Variants in UBE4B observed in about 807,000 individuals in gnomAD.
The protein encoded by UBE4B is ubiquitin conjugation factor E4 B.
UBE4B carries 27 observed loss-of-function variants against 148.1 expected under a neutral mutation model. That is an observed-to-expected ratio of 0.18 (90% CI 0.13 to 0.25). The LOEUF (loss-of-function observed/expected upper bound fraction) is 0.25. UBE4B is among the 10% of genes least tolerant of loss of function. The pLI is 1.00. For missense variants in UBE4B, 1,170 were observed against 1,662.4 expected (o/e 0.70, Z 5.15); for synonymous variants, 596 against 619.3 (o/e 0.96, Z 0.56).
At chr1:10,060,986 T>C (rs936744610) in intron 1 of UBE4B, among the ~76,000 whole-genome samples, 12 of 152,058 alleles carry the variant, frequency 7.9e-5, no homozygotes, top group African/African-American at 2.9e-4. Flanking sequence ...CCTCAAATGA[T>C]CCTCCCACCT....
chr1:10,055,553 A>G (rs1464138402), intron 1 of UBE4B, among the ~76,000 whole-genome samples: 3 of 152,136 alleles, frequency 2.0e-5, no homozygotes, highest in African/African-American at 7.2e-5. Context: ...CCTGGCTTCA[A>G]GCCTTCCTCC....
At chr1:10,134,966 T>G (rs1218059783) in intron 15 of UBE4B, 22 bp from the exon 16 acceptor site, 1 of 1,608,778 alleles carries the variant, frequency 6.2e-7, no homozygotes, top group Admixed American at 1.7e-5. Context: ...TTAAAAATAC[T>G]TTTTCTTTTC....
In UBE4B at chr1:10,106,300, G is replaced by T; in HGVS notation, c.913G>T (p.Val305Leu). The change falls in exon 7 of 28, where the codon GTG (valine) becomes TTG (leucine). Residue 305 changes from valine to leucine, a missense_variant. Physicochemically the swap from Val to Leu is conservative, Grantham distance 32. Transcript: ENST00000343090. The surrounding 1 kb of genome is among the most constrained non-coding windows in gnomAD (Gnocchi z 4.2). ...SPSRAASQLAVPSTPLSPHSA... is the reference protein window; with the variant it reads ...SPSRAASQLALPSTPLSPHSA... ...TTCCCGTGCAGCCAGCCAGTTGGCT[G>T]TGCCTTCCACTCCCCTCAGTCCTCA... 2.5e-6 allele frequency: 4 copies of T among 1,614,160 alleles called. No homozygotes were observed. The highest frequency in any genetic ancestry group is 3.4e-6 in the Non-Finnish European group (4 of 1,180,026).
At chr1:10,073,317 C>G (rs1644519359) in intron 2 of UBE4B, among the ~76,000 whole-genome samples, 1 of 152,174 alleles carries the variant, frequency 6.6e-6, no homozygotes, top group Non-Finnish European at 1.5e-5. Context: ...TTATTTAAAC[C>G]AGGATCTTGG....
At chr1:10,077,817 A>G (rs1343401851) in intron 2 of UBE4B, among the ~76,000 whole-genome samples, 1 of 152,192 alleles carries the variant, frequency 6.6e-6, no homozygotes, top group African/African-American at 2.4e-5. Context: ...TCAAATGTAC[A>G]TGATAACATA....
intron 21 of UBE4B, among the ~76,000 whole-genome samples, chr1:10,154,038 C>T (rs772171808): frequency 2.6e-5 from 4 of 151,846 alleles, no homozygotes; most frequent in African/African-American, 9.7e-5. Context: ...GCCAAGATCG[C>T]GCCATTGTAA....
At chr1:10,162,622 T>TC (rs1489455174) in intron 23 of UBE4B, among the ~76,000 whole-genome samples, 1 of 151,814 alleles carries the variant, frequency 6.6e-6, no homozygotes, top group East Asian at 1.9e-4. Flanking sequence ...TTTTTTTTTT[T>TC]TTCTTTTTTA....
intron 19 of UBE4B, 47 bp downstream of exon 19, chr1:10,147,137 C>A (rs78038419): frequency 0.022 from 35,338 of 1,611,842 alleles, 482 homozygotes; most frequent in Non-Finnish European, 0.026. Flanking sequence ...TGGCTGGGCT[C>A]TGTTGTCTTT....
chr1:10,049,021 T>C (rs1643974099), intron 1 of UBE4B, among the ~76,000 whole-genome samples: 2 of 152,212 alleles, frequency 1.3e-5, no homozygotes, highest in Admixed American at 6.5e-5. Flanking sequence ...ATATCATTCC[T>C]AGCATGAGGT....
chr1:10,069,301 C>T (rs1271136840), intron 1 of UBE4B, among the ~76,000 whole-genome samples: 1 of 152,162 alleles, frequency 6.6e-6, no homozygotes, highest in Non-Finnish European at 1.5e-5. Context: ...TAGTATTTCT[C>T]ATTTATTCAG....
chr1:10,117,804 A>C (rs765551713), intron 8 of UBE4B, among the ~76,000 whole-genome samples: 3 of 152,198 alleles, frequency 2.0e-5, no homozygotes, highest in Non-Finnish European at 4.4e-5. Context: ...ATTCTAATAG[A>C]GACAGAGCCA....
chr1:10,131,337 C>A (rs759340929), intron 14 of UBE4B, among the ~76,000 whole-genome samples: 1 of 151,916 alleles, frequency 6.6e-6, no homozygotes, highest in Non-Finnish European at 1.5e-5. Context: ...ATTAGCCAGG[C>A]ATGGCAGCGC....
chr1:10,133,048 A>G (rs1557583611), intron 15 of UBE4B, among the ~76,000 whole-genome samples: 1 of 152,134 alleles, frequency 6.6e-6, no homozygotes, highest in African/African-American at 2.4e-5. Context: ...TAGACGGACC[A>G]AAACAGAAGG....
intron 2 of UBE4B, among the ~76,000 whole-genome samples, chr1:10,092,737 A>T (rs1445954664): frequency 6.6e-6 from 1 of 152,044 alleles, no homozygotes; most frequent in East Asian, 1.9e-4. Flanking sequence ...CTGAGGCAAG[A>T]GAGTTGCTTG....
intron 1 of UBE4B, among the ~76,000 whole-genome samples, chr1:10,034,723 C>G (rs1643437052): frequency 6.6e-6 from 1 of 152,160 alleles, no homozygotes; most frequent in South Asian, 2.1e-4. Flanking sequence ...CCAGTTTTAG[C>G]TACAGAGTAC....
intron 22 of UBE4B, among the ~76,000 whole-genome samples, chr1:10,160,628 G>A (rs1646145187): frequency 6.6e-6 from 1 of 152,146 alleles, no homozygotes; most frequent in Admixed American, 6.5e-5. Flanking sequence ...ACTGGAATGA[G>A]CTTATCATAA....
rs57486350 is a variant in UBE4B at position 10,090,793 on chromosome 1, T to TTGTGTGTGTGTGTG, written c.212-4642_212-4629dup. Among the ~76,000 whole-genome samples the TTGTGTGTGTGTGTG allele has an allele frequency of 1.6e-3, 220 of 141,506 alleles. 1 individual carries two copies. Among genetic ancestry groups the TTGTGTGTGTGTGTG allele is most frequent in the African/African-American group, 4.9e-3 (189 of 38,368 alleles). 92.8% of individuals were successfully genotyped at this position (141,506 alleles called of 152,430 possible). Reference sequence around the variant, plus strand: ...CGGTGGAATTTAGAAGCCTATGCATTTGTGTGTGTGTGTGTGTGTGTGTGT... The same window carrying TTGTGTGTGTGTGTG: ...CGGTGGAATTTAGAAGCCTATGCATTTGTGTGTGTGTGTGTGTGTGTGTGTGTGTGTGTGTGTGT... On this transcript the variant is annotated intron_variant, in intron 2 of 27. Coordinates refer to ENST00000343090, the MANE Select transcript of UBE4B (RefSeq NM_001105562.3).
chr1:10,174,938 C>G (rs1036693523), intron 25 of UBE4B, among the ~76,000 whole-genome samples: 3 of 152,076 alleles, frequency 2.0e-5, no homozygotes, highest in Admixed American at 6.6e-5. Flanking sequence ...GCAGCAGTAT[C>G]TTAGTTTGCT....
intron 10 of UBE4B, among the ~76,000 whole-genome samples, chr1:10,126,206 A>G (rs578131759): frequency 2.6e-5 from 4 of 152,164 alleles, no homozygotes; most frequent in South Asian, 2.1e-4. Context: ...AGGCTGAGGC[A>G]GGAGAATCAC....
Sources: gnomAD v4.1 joint callset for allele counts (sites outside exome capture counted in the v4.1 genomes callset) on GRCh38, gnomAD v4.1.1 for gene constraint, Gnocchi (gnomAD v3.1) non-coding constraint, MANE v1.5 for transcripts, NCBI Gene and HGNC (gene_info 2026-07-23, HGNC 2026-07-21) for gene names.